PGCKA1: variants seen among roughly 807,000 people sequenced by gnomAD.
PGCKA1 encodes the protein PDCD10 and GCKIII kinases associated 1.
chr4:37,572,063 C>CTTTTTTTTTTTTT, the PGCKA1 span, among the ~76,000 whole-genome samples: 6 of 89,972 alleles, frequency 6.7e-5, no homozygotes, highest in Non-Finnish European at 8.2e-5. Flanking sequence ...TTTTTTTTTT[C>CTTTTTTTTTTTTT]TTTTTTTTTT....
the PGCKA1 span, among the ~76,000 whole-genome samples, chr4:37,457,940 A>C: frequency 0.14 from 21,769 of 152,238 alleles, 2,008 homozygotes; most frequent in South Asian, 0.2. Flanking sequence ...AATGCTAGGC[A>C]GCAAAGACAA....
chr4:37,472,640 A>G, the PGCKA1 span, among the ~76,000 whole-genome samples: 9 of 152,172 alleles, frequency 5.9e-5, no homozygotes, highest in South Asian at 2.1e-4. Flanking sequence ...ATCAATTCTA[A>G]TGGTCATATT....
At chr4:37,581,773 C>G in the PGCKA1 span, among the ~76,000 whole-genome samples, 1 of 152,150 alleles carries the variant, frequency 6.6e-6, no homozygotes, top group Non-Finnish European at 1.5e-5. This position sits in a 1 kb window ranked among gnomAD's most constrained non-coding sequence, Gnocchi z 4.4. Context: ...GGTGCCCCCC[C>G]AGGTCCACTG....
the PGCKA1 span, among the ~76,000 whole-genome samples, chr4:37,455,341 T>C: frequency 6.6e-6 from 1 of 152,190 alleles, no homozygotes; most frequent in Non-Finnish European, 1.5e-5. Flanking sequence ...TTGAAACAAT[T>C]TGAAGCTCAA....
the PGCKA1 span, among the ~76,000 whole-genome samples, chr4:37,584,948 A>C: frequency 6.7e-6 from 1 of 148,888 alleles, no homozygotes; most frequent in African/African-American, 2.5e-5. Context: ...ATTACAATCC[A>C]GTCTGCCTTC....
the PGCKA1 span, among the ~76,000 whole-genome samples, chr4:37,513,085 A>G: frequency 8.8e-6 from 1 of 113,902 alleles, no homozygotes; most frequent in Non-Finnish European, 1.9e-5. Context: ...GTGAAATGCC[A>G]TCTCAAAAAA....
the PGCKA1 span, among the ~76,000 whole-genome samples, chr4:37,521,370 A>C: frequency 1.3e-5 from 2 of 152,182 alleles, no homozygotes; most frequent in Non-Finnish European, 2.9e-5. Flanking sequence ...AGGGCCTGGG[A>C]GACCTCACTG....
the PGCKA1 span, among the ~76,000 whole-genome samples, chr4:37,559,792 A>G: frequency 3.3e-5 from 5 of 151,546 alleles, no homozygotes; most frequent in East Asian, 3.9e-4. Flanking sequence ...TACCATTTCC[A>G]TCTTTGTCCG....
the PGCKA1 span, among the ~76,000 whole-genome samples, chr4:37,523,844 G>A: frequency 6.6e-6 from 1 of 152,092 alleles, no homozygotes; most frequent in Admixed American, 6.5e-5. Flanking sequence ...TTCCTTGGTG[G>A]TGCATACAAG....
the PGCKA1 span, among the ~76,000 whole-genome samples, chr4:37,585,347 G>A: frequency 3.5e-5 from 1 of 28,628 alleles, no homozygotes; most frequent in Non-Finnish European, 7.1e-5. Flanking sequence ...GAGAGGAGAG[G>A]TGTTGAGGGA....
chr4:37,574,980 G>T, the PGCKA1 span, among the ~76,000 whole-genome samples: 743 of 148,628 alleles, frequency 5.0e-3, 8 homozygotes, highest in African/African-American at 0.018. Context: ...TCCATTGTGA[G>T]AACTCTATAC....
At chr4:37,467,567 A>G in the PGCKA1 span, among the ~76,000 whole-genome samples, 3 of 152,174 alleles carry the variant, frequency 2.0e-5, no homozygotes, top group Non-Finnish European at 2.9e-5. Context: ...CATTTCACAC[A>G]TGAGGAAACT....
the PGCKA1 span, among the ~76,000 whole-genome samples, chr4:37,505,343 C>T: frequency 6.6e-6 from 1 of 151,958 alleles, no homozygotes; most frequent in Non-Finnish European, 1.5e-5. Context: ...ATTTTTGCAC[C>T]AATATTTATC....
the PGCKA1 span, among the ~76,000 whole-genome samples, chr4:37,508,197 T>C: frequency 6.6e-6 from 1 of 152,168 alleles, no homozygotes; most frequent in Admixed American, 6.5e-5. Context: ...GTAGTATTCT[T>C]TGGGGTAAGT....
chr4:37,530,010 G>A, the PGCKA1 span, among the ~76,000 whole-genome samples: 389 of 152,074 alleles, frequency 2.6e-3, 3 homozygotes, highest in Admixed American at 6.3e-3. Flanking sequence ...AAAGAAGTGG[G>A]GTAGGTAAAG....
the PGCKA1 span, chr4:37,460,738 C>G: frequency 3.0e-6 from 1 of 338,352 alleles, no homozygotes; most frequent in Non-Finnish European, 5.7e-6. Context: ...GAAATTAGAC[C>G]TTTGTCAGGT....
At chr4:37,512,744 G>A in the PGCKA1 span, among the ~76,000 whole-genome samples, 7 of 151,664 alleles carry the variant, frequency 4.6e-5, no homozygotes, top group East Asian at 5.9e-4. Context: ...GTGAGCCACC[G>A]CGTCTGGCCA....
At chr4:37,517,302 T>C in the PGCKA1 span, among the ~76,000 whole-genome samples, 6 of 147,666 alleles carry the variant, frequency 4.1e-5, no homozygotes, top group African/African-American at 1.5e-4. Context: ...AATATAAATA[T>C]ATATAAATAT....
At chr4:37,498,986 G>A in the PGCKA1 span, among the ~76,000 whole-genome samples, 1 of 152,174 alleles carries the variant, frequency 6.6e-6, no homozygotes, top group Non-Finnish European at 1.5e-5. Flanking sequence ...TTATTATTTT[G>A]AAGTATGTTC....
Sources: allele counts gnomAD v4.1 joint callset (sites outside exome capture counted in the v4.1 genomes callset), GRCh38; gene constraint gnomAD v4.1.1; non-coding constraint Gnocchi (gnomAD v3.1); transcripts MANE v1.5; gene names NCBI Gene and HGNC (gene_info 2026-07-23, HGNC 2026-07-21).